Variants in PTK7 observed in about 807,000 individuals in gnomAD.
The protein encoded by PTK7 is inactive tyrosine-protein kinase 7.
Under a neutral mutation model 116.6 loss-of-function variants are expected in PTK7, and 39 were observed. The ratio of observed to expected loss-of-function variants is 0.33; its 90% CI spans 0.26 to 0.44. The LOEUF is 0.44. Ranked by LOEUF, PTK7 falls within the 20% of genes least tolerant of loss-of-function variation. PTK7 has a pLI of 1.00. For synonymous variants in PTK7, 546 were observed against 563.6 expected, an observed-to-expected ratio of 0.97 and a Z score of 0.44; for missense variants, 1,169 against 1,425.6, an observed-to-expected ratio of 0.82 and a Z score of 2.90.
chr6:43,102,326 T>C (rs543722971), intron 1 of PTK7, among the ~76,000 whole-genome samples: 105 of 152,036 alleles, frequency 6.9e-4, no homozygotes, highest in Non-Finnish European at 1.2e-3. Flanking sequence ...TTGGGAGGCT[T>C]AGACAGGAGA....
chr6:43,111,961 C>T lies in PTK7; in HGVS notation c.80-17016C>T, dbSNP rs561648997. 3.2e-3 allele frequency among the ~76,000 whole-genome samples: 489 copies of T among 151,736 alleles called. 3 individuals carry two copies. The highest frequency in any genetic ancestry group is 7.9e-3 in the African/African-American group (328 of 41,362). On this transcript the variant is annotated intron_variant, in intron 1 of 19. Transcript: ENST00000230419. ...CCTCCCAAAGTGCTGGGATTACAGG[C>T]GTGAGCCACTGCACCTGGCCTATTA...
intron 1 of PTK7, among the ~76,000 whole-genome samples, chr6:43,110,073 A>G (rs1768109943): frequency 6.8e-6 from 1 of 146,866 alleles, no homozygotes; most frequent in African/African-American, 2.5e-5. Flanking sequence ...TTTGGCTCAC[A>G]GCAACCTCCG....
intron 1 of PTK7, among the ~76,000 whole-genome samples, chr6:43,081,564 C>G (rs995636264): frequency 6.6e-6 from 1 of 151,990 alleles, no homozygotes; most frequent in African/African-American, 2.4e-5. Context: ...GCCACTGCAC[C>G]CAGCTAATTT....
chr6:43,143,788 G>A lies in PTK7; in HGVS notation c.2251+168G>A, dbSNP rs74508777. ...GGAAGCCTGGAGTTGGATTCCCAGG[G>A]CCTCGTCTTCTGAGCAACCTGGCTT... On this transcript the variant is annotated intron_variant, in intron 14 of 19. Transcript: ENST00000230419. The surrounding 1 kb of genome is among the most constrained non-coding windows in gnomAD (Gnocchi z 4.2). Among the ~76,000 whole-genome samples, 6,784 of 152,306 alleles carry A rather than the reference G, an allele frequency of 0.045. 208 individuals carry two copies. The highest frequency in any genetic ancestry group is 0.069 in the Non-Finnish European group (4,703 of 68,012).
At chr6:43,115,805 C>G (rs776408889) in intron 1 of PTK7, among the ~76,000 whole-genome samples, 12 of 151,012 alleles carry the variant, frequency 7.9e-5, no homozygotes, top group Admixed American at 2.0e-4. Context: ...GGCACTGTGG[C>G]GGGTGTCAGC....
At chr6:43,157,378 T>TTTG in intron 17 of PTK7, among the ~76,000 whole-genome samples, 1 of 79,802 alleles carries the variant, frequency 1.3e-5, no homozygotes, top group Non-Finnish European at 2.5e-5. Flanking sequence ...TTTTTTTTCT[T>TTTG]TTTTTTTTTT....
chr6:43,095,043 C>T (rs1041695678), intron 1 of PTK7, among the ~76,000 whole-genome samples: 1 of 145,520 alleles, frequency 6.9e-6, no homozygotes, highest in Non-Finnish European at 1.5e-5. Flanking sequence ...GACTCTGTCT[C>T]AAAATAATAA....
At chr6:43,093,570 C>T (rs552894041) in intron 1 of PTK7, among the ~76,000 whole-genome samples, 1 of 152,150 alleles carries the variant, frequency 6.6e-6, no homozygotes, top group African/African-American at 2.4e-5. Flanking sequence ...GAGATGCTAG[C>T]GTTTTCTTCC....
intron 1 of PTK7, among the ~76,000 whole-genome samples, chr6:43,093,247 C>T (rs541619045): frequency 3.8e-5 from 5 of 132,494 alleles, no homozygotes; most frequent in East Asian, 2.3e-4. Flanking sequence ...TGGAGTGCAA[C>T]GGCACAATCT....
At chr6:43,150,787 CTTTTTTTTTTTTTT>C (rs1176963526) in intron 17 of PTK7, among the ~76,000 whole-genome samples, 7 of 60,742 alleles carry the variant, frequency 1.2e-4, no homozygotes, top group Admixed American at 2.3e-4. Context: ...GTAGACTCAG[CTTTTTTTTTTTTTT>C]TTTTTTTTTT....
intron 10 of PTK7, among the ~76,000 whole-genome samples, chr6:43,140,977 GTAATTTAC>G (rs1271224237): frequency 6.6e-6 from 1 of 151,902 alleles, no homozygotes; most frequent in Non-Finnish European, 1.5e-5. Context: ...TGGATTCACT[GTAATTTAC>G]TTAACTGTTC....
intron 5 of PTK7, among the ~76,000 whole-genome samples, chr6:43,131,186 G>A (rs1194752039): frequency 5.3e-5 from 8 of 152,112 alleles, no homozygotes; most frequent in Non-Finnish European, 1.2e-4. Context: ...TGTCAGGCAC[G>A]ACCATGGTCC....
intron 1 of PTK7, among the ~76,000 whole-genome samples, chr6:43,077,397 G>A (rs1339859563): frequency 1.3e-5 from 2 of 152,186 alleles, no homozygotes; most frequent in Non-Finnish European, 2.9e-5. Context: ...AGGGAAGAAA[G>A]GCAAAAAGAG....
rs1561977156 is a variant in PTK7 at position 43,142,308 on chromosome 6, T to TG, written c.2047+13dup. Reference sequence around the variant, plus strand: ...CCCCCTCTATGTCGTGGGTATGGGCTGGGGAGGGTTATGCTGCACAGGAAG... The same window carrying TG: ...CCCCCTCTATGTCGTGGGTATGGGCTGGGGGAGGGTTATGCTGCACAGGAAG... On this transcript the variant is annotated intron_variant, in intron 13 of 19. Coordinates refer to ENST00000230419, the MANE Select transcript of PTK7 (RefSeq NM_002821.5). 1 of 1,614,014 alleles carries TG rather than the reference T, an allele frequency of 6.2e-7. No homozygotes were observed.
intron 14 of PTK7, 165 bp from the exon 15 acceptor site, chr6:43,144,286 C>A: frequency 1.3e-6 from 1 of 787,728 alleles, no homozygotes; most frequent in African/African-American, 1.7e-5. Flanking sequence ...ATCCCCCACC[C>A]AGCCCCAGCC....
chr6:43,090,142 C>T (rs1172121728), intron 1 of PTK7, among the ~76,000 whole-genome samples: 2 of 152,260 alleles, frequency 1.3e-5, no homozygotes, highest in Non-Finnish European at 2.9e-5. Flanking sequence ...CACTGCACAG[C>T]TGCCGCTGGT....
At position 43,142,466 on chromosome 6, in the gene PTK7, A is replaced by G. The variant is rs114737699; in HGVS notation, c.2047+167A>G. 1,105 of 1,087,374 alleles carry G rather than the reference A, an allele frequency of 1.0e-3. 6 individuals are homozygous for G. The African/African-American group carries it at 0.014, about 14-fold the overall frequency. 67.4% of individuals were successfully genotyped at this position (1,087,374 alleles called of 1,614,324 possible). ...CTGCACAGTCTTAGAGTCCTTGCTC[A>G]GAGCCGGGCTGTCGTTTATTTAACA... On this transcript the variant is annotated intron_variant, in intron 13 of 19. Transcript: ENST00000230419.
At chr6:43,142,575 C>T in intron 13 of PTK7, 1 of 527,622 alleles carries the variant, frequency 1.9e-6, no homozygotes, top group Non-Finnish European at 3.6e-6. Flanking sequence ...CAGGTTCCTG[C>T]AGCAGCCACA....
At chr6:43,140,264 T>C (rs1379196464) in intron 10 of PTK7, among the ~76,000 whole-genome samples, 1 of 151,980 alleles carries the variant, frequency 6.6e-6, no homozygotes, top group African/African-American at 2.4e-5. Context: ...CTGGCTAACA[T>C]AGAGTAGTGA....
Sources: gnomAD v4.1 joint callset for allele counts (sites outside exome capture counted in the v4.1 genomes callset) on GRCh38, gnomAD v4.1.1 for gene constraint, Gnocchi (gnomAD v3.1) non-coding constraint, MANE v1.5 for transcripts, NCBI Gene and HGNC (gene_info 2026-07-23, HGNC 2026-07-21) for gene names.